The following ABCB5 variants were observed in gnomAD, a reference collection of about 807,000 sequenced individuals.
The protein encoded by ABCB5 is ATP binding cassette subfamily B member 5, also known as ATP-binding cassette sub-family B member 5.
A neutral mutation model predicts 144.2 loss-of-function variants in ABCB5; 155 were observed. That is an observed-to-expected ratio of 1.08 (90% CI 0.94 to 1.23). ABCB5 has a LOEUF of 1.23. Among genes scored for constraint, ABCB5 ranks in the 50% most tolerant of loss-of-function variants. The pLI, the probability that ABCB5 is intolerant of heterozygous loss-of-function variation, is 0.00. For synonymous variants in ABCB5, 610 were observed against 528.6 expected (o/e 1.15, Z -2.11); for missense variants, 1,830 against 1,520.8 (o/e 1.20, Z -3.38).
At chr7:20,697,437 A>G (rs1786458075) in intron 16 of ABCB5, among the ~76,000 whole-genome samples, 1 of 152,204 alleles carries the variant, frequency 6.6e-6, no homozygotes, top group Non-Finnish European at 1.5e-5. Flanking sequence ...TTCACTGTCT[A>G]CTTTCCTACT....
chr7:20,667,912 A>G, intron 14 of ABCB5, among the ~76,000 whole-genome samples: 1 of 134,356 alleles, frequency 7.4e-6, no homozygotes. Context: ...TTTGGTGGAG[A>G]CGGGGTTTTG....
At chr7:20,739,240 C>G in intron 24 of ABCB5, 101 bp downstream of exon 24, 8 of 1,268,116 alleles carry the variant, frequency 6.3e-6, no homozygotes, top group Non-Finnish European at 8.4e-6. Flanking sequence ...GGCTGAAAAA[C>G]TAACCATTGG....
chr7:20,701,080 C>T (rs547607658), intron 19 of ABCB5, among the ~76,000 whole-genome samples: 1 of 152,296 alleles, frequency 6.6e-6, no homozygotes, highest in South Asian at 2.1e-4. Context: ...CAATGGGTGA[C>T]CTTACACCTT....
chr7:20,718,117 G>C (rs1781745814), intron 20 of ABCB5, among the ~76,000 whole-genome samples: 1 of 149,796 alleles, frequency 6.7e-6, no homozygotes, highest in Non-Finnish European at 1.5e-5. Flanking sequence ...CACCGTGTTA[G>C]CCAGGATGGT....
chr7:20,641,352 AACACACACAC>A (rs111933366), intron 5 of ABCB5, among the ~76,000 whole-genome samples: 5 of 108,434 alleles, frequency 4.6e-5, no homozygotes, highest in Non-Finnish European at 9.8e-5. Context: ...ATTATTGCAA[AACACACACAC>A]ACACACACAC....
At chr7:20,707,747 G>A (rs1786865361) in intron 20 of ABCB5, among the ~76,000 whole-genome samples, 4 of 150,416 alleles carry the variant, frequency 2.7e-5, no homozygotes, top group Admixed American at 2.6e-4. Flanking sequence ...AAAACCCAGT[G>A]AGTTTACTAG....
At chr7:20,728,480 C>T in intron 23 of ABCB5, 25 bp downstream of exon 23, 7 of 1,610,864 alleles carry the variant, frequency 4.3e-6, no homozygotes, top group African/African-American at 1.3e-5. Flanking sequence ...TAGTCCGGAC[C>T]TGGTAGCTCA....
chr7:20,622,864 C>T (rs1334407277), intron 1 of ABCB5, among the ~76,000 whole-genome samples: 1 of 152,090 alleles, frequency 6.6e-6, no homozygotes, highest in Non-Finnish European at 1.5e-5. Flanking sequence ...CTAATAAAAA[C>T]TACTGCATCA....
Position 20,728,581 on chromosome 7 carries a change from C to T in ABCB5, c.2867+126C>T, listed in dbSNP as rs1030196539. ...TCAGCCTGACCAACATAATAAAACC[C>T]CATCTCTACTAAAAATACAAAAATT... On this transcript the variant is annotated intron_variant, in intron 23 of 27. Coordinates refer to ENST00000404938, the MANE Select transcript of ABCB5 (RefSeq NM_001163941.2). The T allele has an allele frequency of 7.2e-6, 8 of 1,110,122 alleles. No individual in the cohort carries two copies. In the African/African-American group the frequency reaches 1.1e-4, roughly 16 times the overall value. 68.8% of individuals were successfully genotyped at this position (1,110,122 alleles called of 1,614,324 possible).
At chr7:20,742,299 G>A (rs1321983770) in intron 24 of ABCB5, among the ~76,000 whole-genome samples, 1 of 151,190 alleles carries the variant, frequency 6.6e-6, no homozygotes, top group African/African-American at 2.4e-5. Flanking sequence ...GCTTGAGCCT[G>A]GGAAGTGGAA....
At chr7:20,673,927 A>G (rs1254139500) in intron 14 of ABCB5, among the ~76,000 whole-genome samples, 9 of 152,004 alleles carry the variant, frequency 5.9e-5, no homozygotes, top group Non-Finnish European at 8.8e-5. Flanking sequence ...TATTTATAGA[A>G]CTTTGATATT....
chr7:20,738,918 T>C (rs1782472457), intron 23 of ABCB5, 65 bp from the exon 24 acceptor site: 1 of 1,468,838 alleles, frequency 6.8e-7, no homozygotes, highest in South Asian at 1.5e-5. Context: ...TTCTTTACTT[T>C]TAGAGTTCTA....
chr7:20,702,472 G>A (rs1786660854), intron 19 of ABCB5, among the ~76,000 whole-genome samples: 1 of 151,956 alleles, frequency 6.6e-6, no homozygotes, highest in African/African-American at 2.4e-5. Flanking sequence ...TCAGTCAGAT[G>A]GCAGGCCGAA....
intron 3 of ABCB5, 74 bp downstream of exon 3, chr7:20,626,685 G>T: frequency 8.3e-7 from 1 of 1,201,558 alleles, no homozygotes; most frequent in Admixed American, 2.8e-5. Context: ...AGAAGATTGT[G>T]TTTATTAGAT....
rs1782985808 is a variant in ABCB5, at chr7:20,753,224, T to A, written c.3430-136T>A. On this transcript the variant is annotated intron_variant, in intron 26 of 27. Transcript: ENST00000404938. ...ATTTATTTGCAACAAAGCCCAAGAATAGATTTCAACATTTGTTGGGACACA... is the reference window on the plus strand; with the variant it reads ...ATTTATTTGCAACAAAGCCCAAGAAAAGATTTCAACATTTGTTGGGACACA... 5 of 1,068,196 alleles carry A rather than the reference T, an allele frequency of 4.7e-6. No individual in the cohort carries two copies. In the South Asian group the frequency reaches 5.5e-5, roughly 12 times the overall value. 66.2% of individuals were successfully genotyped at this position (1,068,196 alleles called of 1,614,324 possible). A position where few individuals can be genotyped will look rare whatever the true frequency, so the allele number is the denominator to read the frequency against.
At chr7:20,682,874 G>A (rs969930461) in intron 15 of ABCB5, among the ~76,000 whole-genome samples, 2 of 152,148 alleles carry the variant, frequency 1.3e-5, no homozygotes, top group African/African-American at 4.8e-5. Context: ...ACTTGCGTGT[G>A]TCATGGATCC....
At position 20,651,635 on chromosome 7, in the gene ABCB5, G is replaced by C. The variant is rs759286191; in HGVS notation, c.1536+12G>C. ...TGGAGTTTCCTAATGTGAGTACACTGTGCAGCCTGTGTCCTTAGCTTATGG... is the reference window on the plus strand; with the variant it reads ...TGGAGTTTCCTAATGTGAGTACACTCTGCAGCCTGTGTCCTTAGCTTATGG... On this transcript the variant is annotated intron_variant, in intron 13 of 27. Coordinates refer to ENST00000404938, the MANE Select transcript of ABCB5 (RefSeq NM_001163941.2). The C allele has an allele frequency of 5.6e-6, 9 of 1,613,458 alleles. 1 individual carries two copies. The Admixed American group carries it at 1.5e-4, about 27-fold the overall frequency.
chr7:20,744,057 C>T (rs1376446812), intron 25 of ABCB5, among the ~76,000 whole-genome samples: 7 of 151,774 alleles, frequency 4.6e-5, no homozygotes, highest in South Asian at 2.1e-4. Flanking sequence ...GGCTTTTGTA[C>T]GTTTTTTGTT....
chr7:20,616,427 G>C (rs1783686529), intron 1 of ABCB5, among the ~76,000 whole-genome samples: 1 of 152,200 alleles, frequency 6.6e-6, no homozygotes, highest in African/African-American at 2.4e-5. Flanking sequence ...AAGGATGCTT[G>C]AACGTTAAGT....
Sources: allele counts gnomAD v4.1 joint callset (sites outside exome capture counted in the v4.1 genomes callset), GRCh38; gene constraint gnomAD v4.1.1; transcripts MANE v1.5; gene names NCBI Gene and HGNC (gene_info 2026-07-23, HGNC 2026-07-21).